Variants in SIM1 observed in about 807,000 individuals in gnomAD.
SIM1 encodes SIM bHLH transcription factor 1, also known as single-minded homolog 1.
A neutral mutation model predicts 78.2 loss-of-function variants in SIM1; 18 were observed. That is an observed-to-expected ratio of 0.23 (90% confidence interval 0.16 to 0.34). The LOEUF (loss-of-function observed/expected upper bound fraction) is 0.34. SIM1 is among the 10% of genes least tolerant of loss of function. The pLI is 1.00. For missense variants in SIM1, 939 were observed against 975.1 expected (o/e 0.96, Z 0.49); for synonymous variants, 417 against 385.2 (o/e 1.08, Z -0.97).
At chr6:100,437,762 T>C (rs978429089) in intron 9 of SIM1, among the ~76,000 whole-genome samples, 1 of 152,050 alleles carries the variant, frequency 6.6e-6, no homozygotes, top group African/African-American at 2.4e-5. Context: ...CAGTGAAAAA[T>C]AGAGTGAGCC....
In SIM1 at chr6:100,412,679, A is replaced by G. The variant is rs1309440913; in HGVS notation, c.1167+8111T>C. On this transcript the variant is annotated intron_variant, in intron 10 of 11. Coordinates refer to ENST00000369208, the MANE Select transcript of SIM1 (RefSeq NM_005068.3). ...AAAGAGAGAGAGAGAGAGAGAAAGAAAGAAAAAGAAAGAAAGAAAGAAAGA... is the reference window on the plus strand; with the variant it reads ...AAAGAGAGAGAGAGAGAGAGAAAGAGAGAAAAAGAAAGAAAGAAAGAAAGA... Among the ~76,000 whole-genome samples, 345 of 119,572 alleles carry G rather than the reference A, an allele frequency of 2.9e-3. 17 individuals are homozygous for G. Among genetic ancestry groups the G allele is most frequent in the African/African-American group, 9.8e-3 (324 of 32,918 alleles). 78.4% of individuals were successfully genotyped at this position (119,572 alleles called of 152,430 possible). A position where few individuals can be genotyped will look rare whatever the true frequency, so the allele number is the denominator to read the frequency against.
rs528094663 is a variant in SIM1 at position 100,396,093 on chromosome 6, C to T, written c.1168-2204G>A. On this transcript the variant is annotated intron_variant, in intron 10 of 11. Transcript: ENST00000369208. ...TCCGCATGCCATCATCCTCTTCTTC[C>T]AGTGAACCCAGACTCTCTTTTCACA... 3 of 984,738 alleles carry T rather than the reference C, an allele frequency of 3.0e-6. No homozygotes were observed. The East Asian group carries it at 3.4e-4, about 112-fold the overall frequency. The allele number at this position is 984,738 out of a possible 1,614,324, so 61.0% of individuals were successfully genotyped here.
chr6:100,451,319 G>A (rs1772507714), intron 3 of SIM1, among the ~76,000 whole-genome samples: 1 of 152,204 alleles, frequency 6.6e-6, no homozygotes. Flanking sequence ...CAGAAGGAAT[G>A]AAGTGGCCAA....
chr6:100,401,052 C>T (rs143137603), intron 10 of SIM1, among the ~76,000 whole-genome samples: 1 of 152,138 alleles, frequency 6.6e-6, no homozygotes, highest in Non-Finnish European at 1.5e-5. Context: ...ATATCACCAC[C>T]CAACTCAGAA....
At chr6:100,463,956 G>C (rs556756659) in intron 1 of SIM1, 21 bp from the exon 2 acceptor site, 1 of 152,850 alleles carries the variant, frequency 6.5e-6, no homozygotes, top group African/African-American at 2.4e-5. Context: ...AACAGCATCA[G>C]AGCATAAGAG....
At chr6:100,413,934 C>T (rs908108887) in intron 10 of SIM1, among the ~76,000 whole-genome samples, 1 of 152,214 alleles carries the variant, frequency 6.6e-6, no homozygotes, top group African/African-American at 2.4e-5. Flanking sequence ...TTTCTCTATG[C>T]TCCTTTACCA....
intron 10 of SIM1, among the ~76,000 whole-genome samples, chr6:100,402,635 T>C (rs902441701): frequency 3.2e-4 from 45 of 140,138 alleles, no homozygotes; most frequent in Non-Finnish European, 1.2e-4. Flanking sequence ...TGGAGTGCAG[T>C]GGCACGATCT....
At chr6:100,440,385 G>T (rs980030858) in intron 9 of SIM1, among the ~76,000 whole-genome samples, 1 of 152,066 alleles carries the variant, frequency 6.6e-6, no homozygotes, top group Non-Finnish European at 1.5e-5. Flanking sequence ...TGATACTGTG[G>T]GTCTTTATAA....
chr6:100,441,084 T>C (rs1000064070), intron 9 of SIM1, among the ~76,000 whole-genome samples: 1 of 152,150 alleles, frequency 6.6e-6, no homozygotes, highest in Non-Finnish European at 1.5e-5. Flanking sequence ...ACAGCCAGAC[T>C]AAGAGAAAGC....
intron 10 of SIM1, among the ~76,000 whole-genome samples, chr6:100,397,360 G>A (rs1292352140): frequency 6.6e-6 from 1 of 152,158 alleles, no homozygotes; most frequent in East Asian, 1.9e-4. Flanking sequence ...AGCATTACTT[G>A]GAGGCGGAAA....
At chr6:100,404,047 A>C (rs1048040594) in intron 10 of SIM1, among the ~76,000 whole-genome samples, 2 of 152,332 alleles carry the variant, frequency 1.3e-5, no homozygotes, top group Admixed American at 1.3e-4. Context: ...AATAGATTTC[A>C]AGTCCCCAAG....
intron 10 of SIM1, among the ~76,000 whole-genome samples, chr6:100,415,124 C>T (rs1273369243): frequency 6.6e-6 from 1 of 152,152 alleles, no homozygotes; most frequent in Non-Finnish European, 1.5e-5. Context: ...ATGGCACGCA[C>T]TTTCTGTAAT....
At chr6:100,392,123 G>A (rs1372654611) in intron 11 of SIM1, among the ~76,000 whole-genome samples, 3 of 152,156 alleles carry the variant, frequency 2.0e-5, no homozygotes, top group South Asian at 2.1e-4. Flanking sequence ...GCAGTGAGCC[G>A]AGATCGCGCC....
At chr6:100,424,348 C>T (rs145625448) in intron 9 of SIM1, among the ~76,000 whole-genome samples, 1 of 152,162 alleles carries the variant, frequency 6.6e-6, no homozygotes, top group East Asian at 1.9e-4. Context: ...GTTGATTGAT[C>T]AGTGGTTTAA....
At chr6:100,412,001 G>A (rs937808213) in intron 10 of SIM1, among the ~76,000 whole-genome samples, 19 of 151,620 alleles carry the variant, frequency 1.3e-4, no homozygotes, top group African/African-American at 2.4e-4. Context: ...GAGAGAATGC[G>A]GGGAAGGTTA....
chr6:100,412,505 C>T (rs868396994), intron 10 of SIM1, among the ~76,000 whole-genome samples: 1 of 142,634 alleles, frequency 7.0e-6, no homozygotes, highest in East Asian at 2.1e-4. Flanking sequence ...CCACTGTACT[C>T]GAGGCTGGGT....
chr6:100,458,211 T>C (rs1000770601), intron 2 of SIM1, among the ~76,000 whole-genome samples: 4 of 151,988 alleles, frequency 2.6e-5, no homozygotes, highest in African/African-American at 9.7e-5. Flanking sequence ...AGACTAAAAC[T>C]GGGGGCGAAA....
At chr6:100,449,225 C>T in intron 6 of SIM1, 138 bp downstream of exon 6, 1 of 681,956 alleles carries the variant, frequency 1.5e-6, no homozygotes, top group Admixed American at 2.3e-5. Flanking sequence ...GTGGAGAGTC[C>T]TGGCCTGCGG....
intron 9 of SIM1, among the ~76,000 whole-genome samples, chr6:100,445,869 ATGCTTTGCC>A (rs1253487024): frequency 6.6e-6 from 1 of 152,156 alleles, no homozygotes; most frequent in African/African-American, 2.4e-5. Flanking sequence ...TTTATGTATT[ATGCTTTGCC>A]ATTCTCTCTT....
Sources: gnomAD v4.1 joint callset for allele counts (sites outside exome capture counted in the v4.1 genomes callset) on GRCh38, gnomAD v4.1.1 for gene constraint, MANE v1.5 for transcripts, NCBI Gene and HGNC (gene_info 2026-07-23, HGNC 2026-07-21) for gene names.